Variants in DIAPH3 observed in about 807,000 individuals in gnomAD.
DIAPH3 encodes protein diaphanous homolog 3.
Under a neutral mutation model 144.3 loss-of-function variants are expected in DIAPH3, and 117 were observed. The ratio of observed to expected loss-of-function variants is 0.81; its 90% CI spans 0.70 to 0.95. The LOEUF (loss-of-function observed/expected upper bound fraction) is 0.95, where lower values mean the gene tolerates loss of function less well. Ranked by LOEUF, DIAPH3 falls within the 40% of genes least tolerant of loss-of-function variation. The probability of loss-of-function intolerance (pLI) is 0.00; values close to 1 mark genes in which losing one functional copy is unlikely to be tolerated. For synonymous variants in DIAPH3, 519 were observed against 488.9 expected (o/e 1.06, Z -0.81); for missense variants, 1,421 against 1,412.7 (o/e 1.01, Z -0.09).
intron 4 of DIAPH3, among the ~76,000 whole-genome samples, chr13:60,084,080 C>T (rs1290835794): frequency 2.0e-5 from 3 of 151,588 alleles, no homozygotes; most frequent in East Asian, 1.9e-4. Context: ...AACTATAGTC[C>T]GCAGAGGCAC....
At chr13:60,141,811 G>A (rs1791169505) in intron 1 of DIAPH3, among the ~76,000 whole-genome samples, 1 of 152,202 alleles carries the variant, frequency 6.6e-6, no homozygotes, top group Non-Finnish European at 1.5e-5. Context: ...TGAATGCTCT[G>A]ATAAAAATAA....
intron 24 of DIAPH3, among the ~76,000 whole-genome samples, chr13:59,813,826 C>CTCCA (rs1241956895): frequency 6.7e-6 from 1 of 149,030 alleles, no homozygotes; most frequent in Non-Finnish European, 1.5e-5. Context: ...CACCACTGTA[C>CTCCA]TCCAGCCTGG....
intron 22 of DIAPH3, among the ~76,000 whole-genome samples, chr13:59,848,225 A>G (rs1031310459): frequency 6.6e-6 from 1 of 151,574 alleles, no homozygotes; most frequent in Admixed American, 6.6e-5. Flanking sequence ...CAATCCTTTG[A>G]AAATTTAAGT....
chr13:60,042,608 C>T, intron 5 of DIAPH3, 82 bp downstream of exon 5: 1 of 1,555,404 alleles, frequency 6.4e-7, no homozygotes, highest in South Asian at 1.1e-5. Context: ...TTGAGGTTTA[C>T]CAGGCAAAAT....
intron 1 of DIAPH3, among the ~76,000 whole-genome samples, chr13:60,155,451 A>G (rs1951982464): frequency 6.6e-6 from 1 of 152,190 alleles, no homozygotes; most frequent in South Asian, 2.1e-4. Context: ...TTGATAAATC[A>G]TTTATTTAAA....
intron 22 of DIAPH3, among the ~76,000 whole-genome samples, chr13:59,848,463 C>T (rs1451957777): frequency 6.6e-6 from 1 of 151,252 alleles, no homozygotes; most frequent in Non-Finnish European, 1.5e-5. Flanking sequence ...CTATCCCTCC[C>T]CGCTCCCCCC....
chr13:59,821,078 A>T (rs1182624511), intron 24 of DIAPH3, among the ~76,000 whole-genome samples: 1 of 152,156 alleles, frequency 6.6e-6, no homozygotes, highest in African/African-American at 2.4e-5. Context: ...TGGATACTCA[A>T]GCAATACAAG....
At chr13:60,093,435 C>A (rs951778082) in intron 4 of DIAPH3, among the ~76,000 whole-genome samples, 193 bp downstream of exon 4, 3 of 152,124 alleles carry the variant, frequency 2.0e-5, no homozygotes, top group Non-Finnish European at 4.4e-5. Context: ...AAAACAGAAG[C>A]AGCTTAAAAG....
chr13:59,864,606 G>T (rs147728418), intron 21 of DIAPH3, among the ~76,000 whole-genome samples: 1 of 152,144 alleles, frequency 6.6e-6, no homozygotes, highest in African/African-American at 2.4e-5. Flanking sequence ...CAACCAACTG[G>T]ATTGCTCTTG....
intron 25 of DIAPH3, among the ~76,000 whole-genome samples, chr13:59,779,494 T>C (rs1275628782): frequency 6.6e-6 from 1 of 152,048 alleles, no homozygotes; most frequent in Non-Finnish European, 1.5e-5. Flanking sequence ...TTAGATATGT[T>C]ACAAATGAAG....
intron 19 of DIAPH3, among the ~76,000 whole-genome samples, chr13:59,914,919 T>C (rs1258674072): frequency 6.6e-6 from 1 of 152,208 alleles, no homozygotes; most frequent in Non-Finnish European, 1.5e-5. Flanking sequence ...ATGGGTATAG[T>C]ACAAATAAAA....
intron 1 of DIAPH3, among the ~76,000 whole-genome samples, chr13:60,156,425 C>A (rs990989170): frequency 6.6e-6 from 1 of 152,078 alleles, no homozygotes; most frequent in Admixed American, 6.5e-5. Flanking sequence ...ATCTTAAATA[C>A]CCTCTTCATA....
chr13:59,774,589 G>T, intron 26 of DIAPH3, 139 bp downstream of exon 26: 1 of 842,958 alleles, frequency 1.2e-6, no homozygotes. Flanking sequence ...AAGGGATTAA[G>T]CAAACTTATG....
intron 9 of DIAPH3, among the ~76,000 whole-genome samples, chr13:59,997,668 C>G (rs1418199247): frequency 1.3e-5 from 2 of 151,988 alleles, no homozygotes; most frequent in Admixed American, 1.3e-4. Flanking sequence ...TCCCTGAGCC[C>G]CATCCACGAG....
rs1333947997 is a variant in DIAPH3, at chr13:59,904,473, C to T, written c.2367+7262G>A. Among the ~76,000 whole-genome samples the T allele has an allele frequency of 3.3e-5, 5 of 151,986 alleles. No homozygotes were observed. The East Asian group carries it at 9.7e-4, about 29-fold the overall frequency. ...TGCTATTCTAAGAATTTTGGGTAAC[C>T]GTGTGAAAGGCTCGGGGAGCAACTG... On this transcript the variant is annotated intron_variant, in intron 20 of 27. Coordinates refer to ENST00000400324, the MANE Select transcript of DIAPH3 (RefSeq NM_001042517.2).
At chr13:59,919,247 A>G (rs1022605195) in intron 18 of DIAPH3, among the ~76,000 whole-genome samples, 1 of 152,132 alleles carries the variant, frequency 6.6e-6, no homozygotes, top group Non-Finnish European at 1.5e-5. Flanking sequence ...TAGAAAACTT[A>G]TTTTAAAAAG....
At chr13:59,950,951 G>A (rs2049063741) in intron 17 of DIAPH3, among the ~76,000 whole-genome samples, 1 of 151,820 alleles carries the variant, frequency 6.6e-6, no homozygotes, top group African/African-American at 2.4e-5. Flanking sequence ...AGTTTAGGGT[G>A]GTATTTTTTT....
chr13:59,941,353 G>A (rs1414237791), intron 17 of DIAPH3, among the ~76,000 whole-genome samples: 1 of 152,110 alleles, frequency 6.6e-6, no homozygotes, highest in Non-Finnish European at 1.5e-5. Context: ...GGGATCAGAA[G>A]GACAAGATCA....
intron 3 of DIAPH3, among the ~76,000 whole-genome samples, chr13:60,107,278 A>T (rs1429166499): frequency 6.6e-6 from 1 of 152,048 alleles, no homozygotes; most frequent in East Asian, 1.9e-4. Context: ...AAAAAAAGGA[A>T]AGTTTCTTCA....
Sources: allele counts gnomAD v4.1 joint callset (sites outside exome capture counted in the v4.1 genomes callset), GRCh38; gene constraint gnomAD v4.1.1; transcripts MANE v1.5; gene names NCBI Gene and HGNC (gene_info 2026-07-23, HGNC 2026-07-21).